Variants in EYA1 observed in about 807,000 individuals in gnomAD.
EYA1 encodes the protein protein phosphatase EYA1.
A neutral mutation model predicts 82.0 loss-of-function variants in EYA1; 16 were observed. The observed-to-expected ratio is 0.20, with a 90% confidence interval of 0.13 to 0.30. The LOEUF (loss-of-function observed/expected upper bound fraction) is 0.30. Among genes scored for constraint, EYA1 ranks in the 10% least tolerant of loss-of-function variants. The probability of loss-of-function intolerance (pLI) is 1.00; values close to 1 mark genes in which losing one functional copy is unlikely to be tolerated. For synonymous variants in EYA1, 261 were observed against 264.4 expected, an observed-to-expected ratio of 0.99 and a Z score of 0.12; for missense variants, 633 against 730.7, an observed-to-expected ratio of 0.87 and a Z score of 1.54.
chr8:71,519,788 G>C, intron 2 of EYA1, among the ~76,000 whole-genome samples: 1 of 152,062 alleles, frequency 6.6e-6, no homozygotes, highest in South Asian at 2.1e-4. Context: ...GGCCATTTTG[G>C]TGTCCCTCTA....
At chr8:71,362,118 C>T (rs981203265), upstream of EYA1, 11 of 981,250 alleles carry the variant, frequency 1.1e-5, no homozygotes, top group African/African-American at 1.6e-4. Flanking sequence ...TTTGTTTGCG[C>T]AGCCTTGTAG....
intron 2 of EYA1, among the ~76,000 whole-genome samples, chr8:71,460,044 T>C (rs1808251093): frequency 6.6e-6 from 1 of 152,176 alleles, no homozygotes; most frequent in Non-Finnish European, 1.5e-5. Context: ...CTAAGAGAAG[T>C]TCCTTAAACT....
chr8:71,241,169 C>T (rs868136135), intron 12 of EYA1, among the ~76,000 whole-genome samples: 2 of 152,082 alleles, frequency 1.3e-5, no homozygotes, highest in East Asian at 1.9e-4. Flanking sequence ...TTCCTTCATA[C>T]GTCAAACATT....
At chr8:71,431,737 C>A (rs1057062204) in intron 2 of EYA1, among the ~76,000 whole-genome samples, 1 of 152,154 alleles carries the variant, frequency 6.6e-6, no homozygotes, top group Non-Finnish European at 1.5e-5. Context: ...GAAAGAGACT[C>A]CACAGGGCAT....
chr8:71,249,638 G>A (rs972187598), intron 11 of EYA1, among the ~76,000 whole-genome samples: 5 of 152,076 alleles, frequency 3.3e-5, no homozygotes, highest in African/African-American at 4.8e-5. Context: ...TATCAATGAC[G>A]TTGGTTCCTA....
intron 11 of EYA1, among the ~76,000 whole-genome samples, chr8:71,245,373 C>T (rs1172236798): frequency 4.6e-5 from 7 of 151,686 alleles, no homozygotes; most frequent in Admixed American, 1.3e-4. Context: ...ACTACAGGCG[C>T]GCACCAACAC....
At chr8:71,512,892 G>GT (rs1812703498) in intron 2 of EYA1, among the ~76,000 whole-genome samples, 1 of 152,140 alleles carries the variant, frequency 6.6e-6, no homozygotes, top group Non-Finnish European at 1.5e-5. Context: ...ACTATCAAAT[G>GT]TAAGTTGCTA....
At chr8:71,354,085 T>C (rs2129068690) in intron 3 of EYA1, among the ~76,000 whole-genome samples, 1 of 152,218 alleles carries the variant, frequency 6.6e-6, no homozygotes, top group South Asian at 2.1e-4. Flanking sequence ...ATATGTTTAA[T>C]CTTAAGTATA....
intron 11 of EYA1, among the ~76,000 whole-genome samples, chr8:71,245,231 GA>G (rs1483580022): frequency 1.3e-5 from 2 of 151,682 alleles, no homozygotes; most frequent in Non-Finnish European, 2.9e-5. Flanking sequence ...TTTAAGTGAT[GA>G]TTTTTTTTTT....
upstream of EYA1, among the ~76,000 whole-genome samples, chr8:71,363,889 AG>A (rs1827590266): frequency 6.6e-6 from 1 of 152,134 alleles, no homozygotes. Context: ...TAAGAGAGTA[AG>A]AAATTATTTT....
chr8:71,295,533 T>C lies in EYA1; in HGVS notation c.826+3514A>G, dbSNP rs79334174. ...CAACAAGATAGCACTACTTCTCAAT[T>C]AGAATGTCCAAAATCTAAAACACTG... On this transcript the variant is annotated intron_variant, in intron 9 of 17. Coordinates refer to ENST00000340726, the MANE Select transcript of EYA1 (RefSeq NM_000503.6). Among the ~76,000 whole-genome samples, 548 of 152,260 alleles carry C rather than the reference T, an allele frequency of 3.6e-3. 2 individuals carry two copies. Among genetic ancestry groups the C allele is most frequent in the Middle Eastern group, 0.024 (7 of 294 alleles).
chr8:71,492,558 G>C (rs910520756), intron 2 of EYA1, among the ~76,000 whole-genome samples: 1 of 150,852 alleles, frequency 6.6e-6, no homozygotes, highest in African/African-American at 2.4e-5. Flanking sequence ...TCCGCCTCCC[G>C]GGTTCACGCC....
chr8:71,336,152 T>A (rs935083254), intron 3 of EYA1, among the ~76,000 whole-genome samples: 1 of 152,180 alleles, frequency 6.6e-6, no homozygotes, highest in African/African-American at 2.4e-5. Context: ...AAATAAGATT[T>A]AACTTGGGAT....
chr8:71,398,342 G>A (rs1263510439), intron 2 of EYA1, among the ~76,000 whole-genome samples: 1 of 152,188 alleles, frequency 6.6e-6, no homozygotes, highest in Non-Finnish European at 1.5e-5. Context: ...TGCTGGCCAG[G>A]ACCTGCGTTC....
intron 17 of EYA1, among the ~76,000 whole-genome samples, chr8:71,203,207 G>A (rs373489739): frequency 3.9e-5 from 6 of 152,062 alleles, no homozygotes; most frequent in East Asian, 3.9e-4. Context: ...TAACATGAGC[G>A]TTTAGGGAAA....
chr8:71,354,161 A>G (rs1031262979), intron 3 of EYA1, among the ~76,000 whole-genome samples: 2 of 152,136 alleles, frequency 1.3e-5, no homozygotes, highest in African/African-American at 4.8e-5. Context: ...TATTAATTAC[A>G]CAGAAATAAT....
At chr8:71,346,413 TA>T (rs1402187071) in intron 3 of EYA1, among the ~76,000 whole-genome samples, 1 of 141,964 alleles carries the variant, frequency 7.0e-6, no homozygotes, top group Non-Finnish European at 1.5e-5. Flanking sequence ...TACACACTTT[TA>T]TTTTTTTACT....
At chr8:71,400,008 A>G (rs1321652857) in intron 2 of EYA1, among the ~76,000 whole-genome samples, 1 of 152,188 alleles carries the variant, frequency 6.6e-6, no homozygotes, top group Non-Finnish European at 1.5e-5. Context: ...ATCTACATGC[A>G]TCTGTCTTCA....
At chr8:71,200,891 ACT>A (rs1361645594) in intron 17 of EYA1, among the ~76,000 whole-genome samples, 4 of 150,948 alleles carry the variant, frequency 2.6e-5, no homozygotes, top group Non-Finnish European at 4.4e-5. Context: ...TCAGAAAAAC[ACT>A]CTGATGGTTA....
Sources: gnomAD v4.1 joint callset for allele counts (sites outside exome capture counted in the v4.1 genomes callset) on GRCh38, gnomAD v4.1.1 for gene constraint, MANE v1.5 for transcripts, NCBI Gene and HGNC (gene_info 2026-07-23, HGNC 2026-07-21) for gene names.